UBQLN1: variants seen among roughly 807,000 people sequenced by gnomAD.
UBQLN1 encodes the protein ubiquilin-1.
A neutral mutation model predicts 65.4 loss-of-function variants in UBQLN1; 13 were observed. The observed-to-expected ratio is 0.20, with a 90% CI of 0.13 to 0.32. The LOEUF is 0.32. Among genes scored for constraint, UBQLN1 ranks in the 10% least tolerant of loss-of-function variants. The pLI is 1.00. For missense variants in UBQLN1, 561 were observed against 724.0 expected, an observed-to-expected ratio of 0.77 and a Z score of 2.58; for synonymous variants, 267 against 247.8, an observed-to-expected ratio of 1.08 and a Z score of -0.73.
At chr9:83,701,390 G>A (rs1554730350) in intron 1 of UBQLN1, among the ~76,000 whole-genome samples, 5 of 152,164 alleles carry the variant, frequency 3.3e-5, no homozygotes, top group South Asian at 2.1e-4. Flanking sequence ...CAAGTGCACT[G>A]CCCAGTTTTG....
chr9:83,669,091 C>A (rs1168744674), intron 7 of UBQLN1, 94 bp downstream of exon 7: 9 of 1,408,360 alleles, frequency 6.4e-6, no homozygotes, highest in Non-Finnish European at 5.7e-6. Context: ...ATTAAGATAT[C>A]ATACACAACA....
At chr9:83,673,615 G>GA (rs1177287715) in intron 6 of UBQLN1, among the ~76,000 whole-genome samples, 2 of 143,500 alleles carry the variant, frequency 1.4e-5, no homozygotes, top group Admixed American at 7.1e-5. Flanking sequence ...ATAGTTAAGG[G>GA]AAAAAAAATC....
chr9:83,669,772 T>C (rs1257882230), intron 6 of UBQLN1, among the ~76,000 whole-genome samples: 3 of 152,190 alleles, frequency 2.0e-5, no homozygotes, highest in African/African-American at 4.8e-5. Flanking sequence ...CAACAAAAGA[T>C]GTAATGCCTC....
chr9:83,697,655 A>T lies in UBQLN1; in HGVS notation c.180+9845T>A, dbSNP rs561542680. Among the ~76,000 whole-genome samples the T allele has an allele frequency of 4.0e-5, 6 of 150,784 alleles. No individual in the cohort carries two copies. In the South Asian group the frequency reaches 1.3e-3, roughly 32 times the overall value. On this transcript the variant is annotated intron_variant, in intron 1 of 10. Transcript: ENST00000376395. ...ACTGCAACCTCTGCCTCGCAGATTCAAGAGATTCTTCCACCTCAGCTTCCC... is the reference window on the plus strand; with the variant it reads ...ACTGCAACCTCTGCCTCGCAGATTCTAGAGATTCTTCCACCTCAGCTTCCC...
intron 6 of UBQLN1, among the ~76,000 whole-genome samples, chr9:83,673,471 G>C (rs1290350029): frequency 1.3e-5 from 2 of 149,114 alleles, no homozygotes; most frequent in Non-Finnish European, 3.0e-5. Flanking sequence ...CTAGAACCTG[G>C]GAGGCAGAGG....
rs1831862742 is a variant in UBQLN1 at position 83,677,779 on chromosome 9, A to G, written c.1053T>C (p.Ser351=). Residue 351 remains serine, a synonymous_variant, in exon 6 of 11, where the codon AGT becomes AGC. Transcript: ENST00000376395. ...TVGGTTGSTA[S]GTSGQSTTAP... is the part of the protein sequence containing the mutation. ...CAGTAGTACTCTGCCCAGAAGTGCC[A>G]CTGGCAGTACTACCAGTAGTGCCAC... is the stretch of plus-strand genomic sequence containing the variant. The G allele has an allele frequency of 6.2e-7, 1 of 1,614,202 alleles. No individual in the cohort carries two copies.
In UBQLN1 at chr9:83,661,056, T is replaced by C. The variant is rs1384563646; in HGVS notation, c.*731A>G. 1 of 152,214 alleles carries C rather than the reference T, an allele frequency of 6.6e-6. No homozygotes were observed. Among genetic ancestry groups the C allele is most frequent in the Non-Finnish European group, 1.5e-5 (1 of 68,042 alleles). The allele number at this position is 152,214 out of a possible 1,614,324, so 9.4% of individuals were successfully genotyped here. A position where few individuals can be genotyped will look rare whatever the true frequency, so the allele number is the denominator to read the frequency against. On this transcript the variant is annotated 3_prime_UTR_variant, in exon 11 of 11. Coordinates refer to ENST00000376395, the MANE Select transcript of UBQLN1 (RefSeq NM_013438.5). ...AATGTTGAGACAATGTTACATTATG[T>C]GTCTGTACAATTAATTGTCCTTAAA...
intron 3 of UBQLN1, 147 bp from the exon 4 acceptor site, chr9:83,680,184 C>G (rs1831917597): frequency 2.2e-6 from 2 of 902,334 alleles, no homozygotes; most frequent in South Asian, 4.9e-5. Context: ...ATACCTATTA[C>G]TAATATTTAA....
intron 1 of UBQLN1, among the ~76,000 whole-genome samples, chr9:83,693,842 G>A (rs781594048): frequency 6.6e-5 from 10 of 152,222 alleles, no homozygotes; most frequent in Admixed American, 3.3e-4. Flanking sequence ...TACTAGTTGT[G>A]TGACCTGGAG....
intron 1 of UBQLN1, among the ~76,000 whole-genome samples, chr9:83,701,346 C>G (rs979772391): frequency 1.3e-4 from 20 of 152,218 alleles, no homozygotes; most frequent in African/African-American, 4.1e-4. Context: ...ATTTTCACAT[C>G]TGTTGTCATA....
chr9:83,667,734 T>G (rs7846925), intron 7 of UBQLN1: 1 of 978,574 alleles, frequency 1.0e-6, no homozygotes, highest in Admixed American at 6.2e-5. Context: ...TATTAGATAC[T>G]TCTTATAACT....
rs1474236599 is a variant in UBQLN1, at chr9:83,660,975, C to G, written c.*812G>C. On this transcript the variant is annotated 3_prime_UTR_variant, in exon 11 of 11. Coordinates refer to ENST00000376395, the MANE Select transcript of UBQLN1 (RefSeq NM_013438.5). ...GGCAAATGCACTTTGGGGTATACTA[C>G]AGTGTTCCTTCAGTCTGCACAAAGA... 1 of 152,312 alleles carries G rather than the reference C, an allele frequency of 6.6e-6. No individual in the cohort carries two copies. Among genetic ancestry groups the G allele is most frequent in the East Asian group, 1.9e-4 (1 of 5,202 alleles). The allele number at this position is 152,312 out of a possible 1,614,324, so 9.4% of individuals were successfully genotyped here. A position where few individuals can be genotyped will look rare whatever the true frequency, so the allele number is the denominator to read the frequency against.
At chr9:83,691,450 C>T (rs1481345699) in intron 1 of UBQLN1, among the ~76,000 whole-genome samples, 2 of 152,156 alleles carry the variant, frequency 1.3e-5, no homozygotes, top group Non-Finnish European at 2.9e-5. Context: ...CCTCTGGTAA[C>T]ATTTAAAGAC....
chr9:83,671,589 C>T (rs1210195126), intron 6 of UBQLN1, among the ~76,000 whole-genome samples: 1 of 152,092 alleles, frequency 6.6e-6, no homozygotes, highest in Non-Finnish European at 1.5e-5. Flanking sequence ...GAATCTTTTC[C>T]TTAGCAACGT....
chr9:83,693,838 T>G (rs116718665), intron 1 of UBQLN1, among the ~76,000 whole-genome samples: 1 of 152,144 alleles, frequency 6.6e-6, no homozygotes, highest in Non-Finnish European at 1.5e-5. Flanking sequence ...TACATACTAG[T>G]TGTGTGACCT....
intron 6 of UBQLN1, among the ~76,000 whole-genome samples, chr9:83,671,501 C>T (rs1831730072): frequency 6.6e-6 from 1 of 152,066 alleles, no homozygotes; most frequent in African/African-American, 2.4e-5. Flanking sequence ...ATAAAAACAA[C>T]ATTAATCTCC....
chr9:83,677,585 C>A, intron 6 of UBQLN1, 142 bp downstream of exon 6: 1 of 684,354 alleles, frequency 1.5e-6, no homozygotes, highest in Non-Finnish European at 2.3e-6. Context: ...CAAAACAAAA[C>A]AAAAGCAACA....
chr9:83,688,791 G>T lies in UBQLN1; in HGVS notation c.181-2636C>A, dbSNP rs563220371. ...CAGGAGAATTGCTTGAACCTGGGAG[G>T]CAGAGGTTGCAGTGAGCCGAGATTG... On this transcript the variant is annotated intron_variant, in intron 1 of 10. Transcript: ENST00000376395. Among the ~76,000 whole-genome samples, 71 of 151,824 alleles carry T rather than the reference G, an allele frequency of 4.7e-4. 1 individual carries two copies. Among genetic ancestry groups the T allele is most frequent in the African/African-American group, 1.6e-3 (66 of 41,434 alleles).
intron 4 of UBQLN1, among the ~76,000 whole-genome samples, chr9:83,679,017 G>C (rs567056663): frequency 2.0e-5 from 3 of 152,024 alleles, no homozygotes; most frequent in African/African-American, 2.4e-5. Flanking sequence ...CACCGCGCCC[G>C]GCCAGGAGGC....
Sources: gnomAD v4.1 joint callset for allele counts (sites outside exome capture counted in the v4.1 genomes callset) on GRCh38, gnomAD v4.1.1 for gene constraint, MANE v1.5 for transcripts, NCBI Gene and HGNC (gene_info 2026-07-23, HGNC 2026-07-21) for gene names.